HAUS7: variants seen among roughly 807,000 people sequenced by gnomAD.
HAUS7 encodes the protein HAUS augmin-like complex subunit 7.
HAUS7 carries 3 observed loss-of-function variants against 28.4 expected under a neutral mutation model. The observed-to-expected ratio is 0.11, with a 90% confidence interval of 0.05 to 0.27. HAUS7 has a LOEUF of 0.27. Among genes scored for constraint, HAUS7 ranks in the 10% least tolerant of loss-of-function variants. The pLI, the probability that HAUS7 is intolerant of heterozygous loss-of-function variation, is 1.00. For synonymous variants in HAUS7, 165 were observed against 132.1 expected (o/e 1.25, Z -1.71); for missense variants, 284 against 297.3 (o/e 0.96, Z 0.33).
At chrX:153,494,351 G>A (rs1359291001) in intron 1 of HAUS7, among the ~76,000 whole-genome samples, 1 of 112,371 alleles carries the variant, frequency 8.9e-6, no homozygotes, top group Non-Finnish European at 1.9e-5. Flanking sequence ...CCCCTGCCCC[G>A]TCCTGCCACC....
intron 1 of HAUS7, among the ~76,000 whole-genome samples, chrX:153,479,082 G>C (rs1459926969): frequency 9.0e-6 from 1 of 110,520 alleles, no homozygotes; most frequent in Non-Finnish European, 1.9e-5. Flanking sequence ...AAGGTCGGGG[G>C]AGGCGTTTGC....
chrX:153,470,396 G>A, intron 1 of HAUS7, 54 bp downstream of exon 1: 1 of 1,168,178 alleles, frequency 8.6e-7, no homozygotes, highest in South Asian at 1.8e-5. Flanking sequence ...CCGGGCCTCG[G>A]GCGGGGCCCT....
intron 1 of HAUS7, among the ~76,000 whole-genome samples, chrX:153,476,005 T>A (rs187339543): frequency 9.7e-6 from 1 of 102,926 alleles, no homozygotes; most frequent in African/African-American, 3.5e-5. Flanking sequence ...ATGCCCCCAG[T>A]ACATCTGCTC....
upstream of HAUS7, chrX:153,470,660 C>T (rs1412350887): frequency 1.6e-5 from 17 of 1,086,594 alleles, no homozygotes; most frequent in Non-Finnish European, 2.1e-5. Flanking sequence ...CCTGCGCCCA[C>T]CCCCTTCCCG....
At chrX:153,487,997 G>T (rs896672579) in intron 1 of HAUS7, among the ~76,000 whole-genome samples, 1 of 113,081 alleles carries the variant, frequency 8.8e-6, no homozygotes, top group African/African-American at 3.2e-5. Flanking sequence ...CCTGTGCCAG[G>T]AAGGGATAGG....
intron 2 of HAUS7, among the ~76,000 whole-genome samples, chrX:153,467,964 C>T (rs1168128045): frequency 8.9e-6 from 1 of 112,122 alleles, no homozygotes; most frequent in Admixed American, 9.4e-5. Context: ...TACAGGAGGA[C>T]GTACGACATG....
At position 153,454,410 on chromosome X, in the gene HAUS7, G is replaced by C. The variant is rs140068588; in HGVS notation, c.1029C>G (p.Ser343Arg). The C allele has an allele frequency of 8.5e-7, 1 of 1,179,530 alleles. No individual in the cohort carries two copies. The highest frequency in any genetic ancestry group is 1.2e-6 in the Non-Finnish European group (1 of 868,571). Reference sequence around the variant, plus strand: ...GCCACGTACCTAGACTCATGACGGAGCTGCTGCCACCCCAGCAGATCTGCT... The same window carrying C: ...GCCACGTACCTAGACTCATGACGGACCTGCTGCCACCCCAGCAGATCTGCT... Reference protein sequence around the residue: ...QGEQICWGGSSSVMSLATKMN... With the variant: ...QGEQICWGGSRSVMSLATKMN... Residue 343 changes from serine to arginine, a missense_variant, in exon 9 of 10, where the codon AGC becomes AGG. Physicochemically the swap from Ser to Arg is moderately radical, Grantham distance 110. Coordinates refer to ENST00000370211, the MANE Select transcript of HAUS7 (RefSeq NM_001385482.1).
chrX:153,475,821 AGAGAGCAGG>A (rs1418876067), intron 1 of HAUS7, among the ~76,000 whole-genome samples: 1 of 107,693 alleles, frequency 9.3e-6, no homozygotes, highest in East Asian at 2.9e-4. Flanking sequence ...GTGCTCCTGC[AGAGAGCAGG>A]AGAGCAGGAG....
upstream of HAUS7, among the ~76,000 whole-genome samples, chrX:153,475,155 C>A (rs1251985332): frequency 1.8e-5 from 2 of 112,725 alleles, no homozygotes; most frequent in African/African-American, 3.2e-5. Flanking sequence ...ACACGGAGTC[C>A]AGCGAAGCCA....
Position 153,456,586 on chromosome X carries a change from C to G in HAUS7, c.512G>C (p.Ser171Thr). 1 of 1,178,739 alleles carries G rather than the reference C, an allele frequency of 8.5e-7. No homozygotes were observed. Among genetic ancestry groups the G allele is most frequent in the Non-Finnish European group, 1.1e-6 (1 of 877,180 alleles). ...NEALLGELFS[S>T]PHLQMLLNPE... ...ATTCAGGAGCATCTGCAGGTGGGGGCTAGAGAAGAGCTCCCCCAGCAAGGC... is the reference window on the plus strand; with the variant it reads ...ATTCAGGAGCATCTGCAGGTGGGGGGTAGAGAAGAGCTCCCCCAGCAAGGC... Residue 171 changes from serine to threonine, a missense_variant, in exon 6 of 10, where the codon AGC becomes ACC. Physicochemically the swap from Ser to Thr is moderately conservative, Grantham distance 58. Coordinates refer to ENST00000370211, the MANE Select transcript of HAUS7 (RefSeq NM_001385482.1).
intron 1 of HAUS7, among the ~76,000 whole-genome samples, chrX:153,489,073 G>A (rs1195154712): frequency 1.8e-5 from 2 of 112,878 alleles, no homozygotes; most frequent in Admixed American, 9.3e-5. Context: ...CCACAGGCCC[G>A]GCCAGGCCTC....
intron 1 of HAUS7, chrX:153,480,740 C>G: frequency 1.3e-6 from 1 of 754,894 alleles, no homozygotes; most frequent in Non-Finnish European, 1.6e-6. Flanking sequence ...CAGGGCTGGC[C>G]CTGAGGAAGG....
intron 1 of HAUS7, among the ~76,000 whole-genome samples, chrX:153,490,581 C>A (rs1485466363): frequency 8.9e-6 from 1 of 112,988 alleles, no homozygotes; most frequent in Non-Finnish European, 1.9e-5. Context: ...CATCCAGAGA[C>A]CCTTGAGTGG....
At chrX:153,458,505 C>T (rs191771705) in intron 4 of HAUS7, among the ~76,000 whole-genome samples, 2 of 112,837 alleles carry the variant, frequency 1.8e-5, no homozygotes, top group South Asian at 3.6e-4. Flanking sequence ...AGCTGATGGA[C>T]ATTTGGGCTC....
At chrX:153,484,222 G>A (rs1268799028) in intron 1 of HAUS7, among the ~76,000 whole-genome samples, 1 of 112,106 alleles carries the variant, frequency 8.9e-6, no homozygotes, top group Non-Finnish European at 1.9e-5. Context: ...CACCTGTCAT[G>A]GGAGCGGGGC....
chrX:153,448,557 TATAAAATAAATAA>T (rs1378551936), intron 9 of HAUS7, among the ~76,000 whole-genome samples: 1 of 109,560 alleles, frequency 9.1e-6, no homozygotes, highest in Non-Finnish European at 1.9e-5. Flanking sequence ...AATATATATA[TATAAAATAAATAA>T]ATAAAATAAA....
intron 1 of HAUS7, among the ~76,000 whole-genome samples, chrX:153,483,906 C>T (rs903203504): frequency 8.9e-6 from 1 of 112,085 alleles, no homozygotes; most frequent in Non-Finnish European, 1.9e-5. Flanking sequence ...GGAAGCAGCG[C>T]GGAAGGGCTG....
At chrX:153,478,225 C>T (rs1381016241) in intron 1 of HAUS7, among the ~76,000 whole-genome samples, 4 of 112,686 alleles carry the variant, frequency 3.5e-5, no homozygotes, top group African/African-American at 1.3e-4. Context: ...AACCCTGGCT[C>T]CCACAGCAGA....
intron 4 of HAUS7, among the ~76,000 whole-genome samples, 177 bp from the exon 5 acceptor site, chrX:153,457,405 C>T (rs2089328875): frequency 8.8e-6 from 1 of 113,308 alleles, no homozygotes; most frequent in South Asian, 3.6e-4. Context: ...CAAGTGCTCC[C>T]TGCCTGGTCC....
Sources: gnomAD v4.1 joint callset for allele counts (sites outside exome capture counted in the v4.1 genomes callset) on GRCh38, gnomAD v4.1.1 for gene constraint, MANE v1.5 for transcripts, NCBI Gene and HGNC (gene_info 2026-07-23, HGNC 2026-07-21) for gene names.